EXOC6B: variants seen among roughly 807,000 people sequenced by gnomAD.
EXOC6B encodes the protein SEC15 homolog B.
Under a neutral mutation model 113.5 loss-of-function variants are expected in EXOC6B, and 54 were observed. The ratio of observed to expected loss-of-function variants is 0.48; its 90% CI spans 0.38 to 0.60. The LOEUF (loss-of-function observed/expected upper bound fraction) is 0.60. Ranked by LOEUF, EXOC6B falls within the 20% of genes least tolerant of loss-of-function variation. The probability of loss-of-function intolerance (pLI) is 0.00; values close to 1 mark genes in which losing one functional copy is unlikely to be tolerated. For missense variants in EXOC6B, 797 were observed against 977.5 expected (o/e 0.82, Z 2.46); for synonymous variants, 357 against 339.0 (o/e 1.05, Z -0.58).
chr2:72,806,872 G>A (rs914929960), intron 1 of EXOC6B, among the ~76,000 whole-genome samples: 2 of 151,936 alleles, frequency 1.3e-5, no homozygotes, highest in African/African-American at 2.4e-5. Flanking sequence ...ACTTTTGAAT[G>A]GGGTTTTGCT....
intron 15 of EXOC6B, among the ~76,000 whole-genome samples, chr2:72,494,937 A>G (rs1699953991): frequency 6.6e-6 from 1 of 152,210 alleles, no homozygotes; most frequent in Non-Finnish European, 1.5e-5. Flanking sequence ...CAAGTAGAGC[A>G]ATAGTGTTTC....
chr2:72,710,120 G>C (rs551629549), intron 6 of EXOC6B, among the ~76,000 whole-genome samples: 1 of 151,848 alleles, frequency 6.6e-6, no homozygotes, highest in Non-Finnish European at 1.5e-5. Flanking sequence ...GTGAGCCACC[G>C]CACCTGGCCA....
At chr2:72,333,377 C>T (rs954067601) in intron 20 of EXOC6B, among the ~76,000 whole-genome samples, 6 of 152,148 alleles carry the variant, frequency 3.9e-5, no homozygotes, top group Admixed American at 1.3e-4. Flanking sequence ...ACCATGCTTC[C>T]TTCTCATGAA....
rs142575270 is a variant in EXOC6B at position 72,221,014 on chromosome 2, C to T, written c.2197-36827G>A. Reference sequence around the variant, plus strand: ...TATTCTCTCTAGCTATTTTGAAACGCACAATAGATTACTGTAAACCATAGT... The same window carrying T: ...TATTCTCTCTAGCTATTTTGAAACGTACAATAGATTACTGTAAACCATAGT... On this transcript the variant is annotated intron_variant, in intron 20 of 21. Transcript: ENST00000272427. 4.6e-3 allele frequency among the ~76,000 whole-genome samples: 697 copies of T among 152,258 alleles called. 7 individuals carry two copies. The highest frequency in any genetic ancestry group is 0.016 in the African/African-American group (645 of 41,550).
chr2:72,622,489 G>A (rs1671808384), intron 6 of EXOC6B, among the ~76,000 whole-genome samples: 1 of 152,170 alleles, frequency 6.6e-6, no homozygotes, highest in African/African-American at 2.4e-5. Flanking sequence ...CAAGGAGGGT[G>A]GACAGCTTGG....
At chr2:72,669,667 T>C (rs1471268776) in intron 6 of EXOC6B, among the ~76,000 whole-genome samples, 3 of 152,218 alleles carry the variant, frequency 2.0e-5, no homozygotes, top group East Asian at 3.8e-4. Context: ...CACTTTAAAC[T>C]AGGGATCTCT....
chr2:72,668,658 A>G (rs1458583065), intron 6 of EXOC6B, among the ~76,000 whole-genome samples: 1 of 152,212 alleles, frequency 6.6e-6, no homozygotes, highest in Non-Finnish European at 1.5e-5. Flanking sequence ...AAGTAAACTA[A>G]TGCAAAAACA....
At chr2:72,363,257 T>G (rs1047687882) in intron 19 of EXOC6B, among the ~76,000 whole-genome samples, 1 of 152,088 alleles carries the variant, frequency 6.6e-6, no homozygotes, top group African/African-American at 2.4e-5. Flanking sequence ...CTTAGAGTTA[T>G]TGGGTTTGGT....
At chr2:72,743,410 T>C (rs1681473811) in intron 1 of EXOC6B, among the ~76,000 whole-genome samples, 2 of 152,142 alleles carry the variant, frequency 1.3e-5, no homozygotes, top group African/African-American at 2.4e-5. Context: ...CTTTCTCTAG[T>C]TCCCACCCAA....
intron 18 of EXOC6B, among the ~76,000 whole-genome samples, chr2:72,417,316 A>C (rs1166179922): frequency 1.3e-5 from 2 of 151,990 alleles, no homozygotes; most frequent in Non-Finnish European, 2.9e-5. Flanking sequence ...CAGCCTTTAG[A>C]GCAGCTAATT....
In EXOC6B at chr2:72,649,273, A is replaced by G. The variant is rs113403216; in HGVS notation, c.669+68830T>C. ...AAAAACAGCTAGATAGAATGAATAAAATATAGTATTTATGATAGCACAACA... is the reference window on the plus strand; with the variant it reads ...AAAAACAGCTAGATAGAATGAATAAGATATAGTATTTATGATAGCACAACA... On this transcript the variant is annotated intron_variant, in intron 6 of 21. Coordinates refer to ENST00000272427, the MANE Select transcript of EXOC6B (RefSeq NM_015189.3). 1.5e-4 allele frequency among the ~76,000 whole-genome samples: 23 copies of G among 152,350 alleles called. 2 individuals carry two copies. Among genetic ancestry groups the G allele is most frequent in the African/African-American group, 4.6e-4 (19 of 41,586 alleles).
At chr2:72,700,321 G>T (rs1678225606) in intron 6 of EXOC6B, among the ~76,000 whole-genome samples, 2 of 151,384 alleles carry the variant, frequency 1.3e-5, no homozygotes, top group Admixed American at 6.6e-5. Context: ...GAGAGTAAGG[G>T]CTATTCCCAG....
At chr2:72,326,522 C>T (rs1296981479) in intron 20 of EXOC6B, among the ~76,000 whole-genome samples, 3 of 151,986 alleles carry the variant, frequency 2.0e-5, no homozygotes, top group African/African-American at 7.2e-5. Flanking sequence ...CTATGTTATG[C>T]TTGTTAGCTC....
At chr2:72,334,806 C>T in intron 20 of EXOC6B, 141 bp downstream of exon 20, 2 of 601,914 alleles carry the variant, frequency 3.3e-6, no homozygotes, top group Non-Finnish European at 5.5e-6. Context: ...AAGAGGTGGC[C>T]TCAAATACAG....
In EXOC6B at chr2:72,196,720, A is replaced by G. The variant is rs538539787; in HGVS notation, c.2197-12533T>C. Reference sequence around the variant, plus strand: ...AAACACTAGTTCCCAGGAAGACGATAGTTTCAGACCTATAGTGGTGGTATA... The same window carrying G: ...AAACACTAGTTCCCAGGAAGACGATGGTTTCAGACCTATAGTGGTGGTATA... On this transcript the variant is annotated intron_variant, in intron 20 of 21. Transcript: ENST00000272427. Among the ~76,000 whole-genome samples, 160 of 152,342 alleles carry G rather than the reference A, an allele frequency of 1.1e-3. 1 individual carries two copies. The highest frequency in any genetic ancestry group is 3.1e-3 in the African/African-American group (130 of 41,574).
intron 6 of EXOC6B, among the ~76,000 whole-genome samples, chr2:72,690,133 A>G (rs1025671487): frequency 6.6e-6 from 1 of 152,258 alleles, no homozygotes; most frequent in African/African-American, 2.4e-5. Context: ...AATGTCAATA[A>G]TAACATAAAA....
chr2:72,367,512 C>T (rs1393972490), intron 19 of EXOC6B, among the ~76,000 whole-genome samples: 1 of 152,150 alleles, frequency 6.6e-6, no homozygotes, highest in Admixed American at 6.6e-5. Context: ...CCAACCCCAC[C>T]CCTGCAGGAA....
At chr2:72,773,893 T>A (rs946420312) in intron 1 of EXOC6B, among the ~76,000 whole-genome samples, 16 of 152,326 alleles carry the variant, frequency 1.1e-4, no homozygotes, top group Admixed American at 6.5e-4. Context: ...ACTTTTCAGA[T>A]AATTTTATAT....
chr2:72,543,256 A>G (rs1702715443), intron 8 of EXOC6B, among the ~76,000 whole-genome samples: 1 of 152,136 alleles, frequency 6.6e-6, no homozygotes, highest in Admixed American at 6.5e-5. Flanking sequence ...AAAAAAACTT[A>G]ATTTATTCTG....
Sources: gnomAD v4.1 joint callset for allele counts (sites outside exome capture counted in the v4.1 genomes callset) on GRCh38, gnomAD v4.1.1 for gene constraint, MANE v1.5 for transcripts, NCBI Gene and HGNC (gene_info 2026-07-23, HGNC 2026-07-21) for gene names.